Variants in LRRC1 observed in about 807,000 individuals in gnomAD.
LRRC1 encodes the protein leucine-rich repeat-containing protein 1.
LRRC1 carries 28 observed loss-of-function variants against 69.9 expected under a neutral mutation model. That is an observed-to-expected ratio of 0.40 (90% CI 0.30 to 0.55). The LOEUF is 0.55. LRRC1 is among the 20% of genes least tolerant of loss of function. The pLI is 0.47. For missense variants in LRRC1, 498 were observed against 609.0 expected (o/e 0.82, Z 1.92); for synonymous variants, 236 against 240.2 (o/e 0.98, Z 0.16).
chr6:53,878,141 TA>T (rs1302902359), intron 2 of LRRC1, among the ~76,000 whole-genome samples: 3 of 152,118 alleles, frequency 2.0e-5, no homozygotes, highest in Non-Finnish European at 2.9e-5. Flanking sequence ...TGAAACTTAC[TA>T]TCATGAGAAC....
intron 1 of LRRC1, among the ~76,000 whole-genome samples, chr6:53,809,995 G>A (rs1451482097): frequency 2.6e-5 from 4 of 152,238 alleles, no homozygotes; most frequent in Non-Finnish European, 4.4e-5. Flanking sequence ...CACCAGCAAG[G>A]CTGACAGTGA....
At chr6:53,849,052 C>T (rs1453823157) in intron 2 of LRRC1, among the ~76,000 whole-genome samples, 7 of 143,230 alleles carry the variant, frequency 4.9e-5, no homozygotes, top group Non-Finnish European at 7.5e-5. Context: ...CCACTGCGCC[C>T]GGCCTATGCT....
chr6:53,882,830 T>C, intron 3 of LRRC1, 57 bp from the exon 4 acceptor site: 1 of 1,018,944 alleles, frequency 9.8e-7, no homozygotes, highest in Non-Finnish European at 1.5e-6. Flanking sequence ...ATGCTTGGTA[T>C]ACACTATACA....
At chr6:53,879,501 A>G (rs1188265421) in intron 3 of LRRC1, among the ~76,000 whole-genome samples, 1 of 151,922 alleles carries the variant, frequency 6.6e-6, no homozygotes, top group African/African-American at 2.4e-5. Context: ...GGCCAGGATG[A>G]TCTCGATCTC....
chr6:53,891,907 G>T (rs918404595), intron 4 of LRRC1, among the ~76,000 whole-genome samples: 1 of 151,480 alleles, frequency 6.6e-6, no homozygotes, highest in African/African-American at 2.4e-5. Flanking sequence ...CAGGAGAATC[G>T]CTTGAACCCA....
chr6:53,820,010 G>A (rs1434827120), intron 1 of LRRC1, among the ~76,000 whole-genome samples: 1 of 152,104 alleles, frequency 6.6e-6, no homozygotes, highest in Non-Finnish European at 1.5e-5. Context: ...TGCTGCCTTT[G>A]GGCCAGGTCT....
chr6:53,883,107 T>A, intron 4 of LRRC1, 131 bp downstream of exon 4: 1 of 605,836 alleles, frequency 1.7e-6, no homozygotes. Flanking sequence ...TAATGTGACC[T>A]TCAAGAAAGA....
At chr6:53,877,909 C>A (rs1384930994) in intron 2 of LRRC1, among the ~76,000 whole-genome samples, 1 of 152,146 alleles carries the variant, frequency 6.6e-6, no homozygotes, top group African/African-American at 2.4e-5. Context: ...TCAGCAGCAA[C>A]CCACTCTACT....
chr6:53,844,317 G>A (rs933506965), intron 2 of LRRC1, among the ~76,000 whole-genome samples: 2 of 152,180 alleles, frequency 1.3e-5, no homozygotes, highest in Non-Finnish European at 2.9e-5. Flanking sequence ...TTTTGAAATG[G>A]GGATTAGAAA....
chr6:53,821,879 G>T (rs1765124689), intron 1 of LRRC1, among the ~76,000 whole-genome samples: 1 of 143,424 alleles, frequency 7.0e-6, no homozygotes, highest in African/African-American at 2.6e-5. Context: ...AGTAATGCTA[G>T]TTTTTTTTTT....
In LRRC1 at chr6:53,898,467, T is replaced by C. The variant is rs1336339037; in HGVS notation, c.642+1108T>C. On this transcript the variant is annotated intron_variant, in intron 7 of 13. Transcript: ENST00000370888. ...AGGGGAAAGGAAAGAGGTGTGTATG[T>C]TCAGATGTGTGTAAATGACTGTGCA... Among the ~76,000 whole-genome samples the C allele has an allele frequency of 2.6e-5, 4 of 152,210 alleles. No homozygotes were observed. The East Asian group carries it at 7.7e-4, about 29-fold the overall frequency.
chr6:53,862,865 G>A (rs529458836), intron 2 of LRRC1, among the ~76,000 whole-genome samples: 80 of 152,286 alleles, frequency 5.3e-4, no homozygotes, highest in Non-Finnish European at 1.0e-3. Context: ...AACAGCTGTG[G>A]TAGCAAATGC....
chr6:53,805,974 C>T (rs547753444), intron 1 of LRRC1, among the ~76,000 whole-genome samples: 2 of 152,328 alleles, frequency 1.3e-5, no homozygotes, highest in East Asian at 1.9e-4. Flanking sequence ...CCCCAGTTAG[C>T]TGCCCTTAGT....
intron 1 of LRRC1, 88 bp from the exon 2 acceptor site, chr6:53,842,022 A>T: frequency 1.3e-6 from 1 of 782,370 alleles, no homozygotes; most frequent in Non-Finnish European, 2.1e-6. Flanking sequence ...ATTAGTTTTT[A>T]AAAGACATTG....
intron 1 of LRRC1, among the ~76,000 whole-genome samples, chr6:53,820,530 A>C (rs1039876798): frequency 2.6e-5 from 4 of 151,180 alleles, no homozygotes; most frequent in South Asian, 2.1e-4. Context: ...TCATCAGGTC[A>C]TGAGCCCACT....
rs1461223944 is a variant in LRRC1, at chr6:53,795,226, G to A, written c.-31G>A. On this transcript the variant is annotated 5_prime_UTR_variant, in exon 1 of 14. Transcript: ENST00000370888. ...CTCGGAGCCCGGGTCTCCGCCGCTC[G>A]GGACCCGGCTAGGCGGCGGCGGGGG... is the stretch of plus-strand genomic sequence containing the variant. The A allele has an allele frequency of 6.4e-7, 1 of 1,572,960 alleles. No homozygotes were observed. The highest frequency in any genetic ancestry group is 2.3e-5 in the East Asian group (1 of 43,766).
rs751725233 is a variant in LRRC1 at position 53,902,601 on chromosome 6, G to A, written c.788-28G>A. The A allele has an allele frequency of 9.7e-5, 127 of 1,313,800 alleles. No individual in the cohort carries two copies. The Middle Eastern group carries it at 2.8e-3, about 29-fold the overall frequency. The allele number at this position is 1,313,800 out of a possible 1,614,324, so 81.4% of individuals were successfully genotyped here. A position where few individuals can be genotyped will look rare whatever the true frequency, so the allele number is the denominator to read the frequency against. On this transcript the variant is annotated intron_variant, in intron 8 of 13. Transcript: ENST00000370888. ...GAAAATAATTGTAACTAATGAATTTGATAATAATAATCATAATGCTTTTAC... is the reference window on the plus strand; with the variant it reads ...GAAAATAATTGTAACTAATGAATTTAATAATAATAATCATAATGCTTTTAC...
chr6:53,850,717 G>C (rs894211283), intron 2 of LRRC1, among the ~76,000 whole-genome samples: 2 of 152,202 alleles, frequency 1.3e-5, no homozygotes, highest in Admixed American at 6.5e-5. Context: ...AACACGGTGA[G>C]GAATTTTATT....
intron 1 of LRRC1, among the ~76,000 whole-genome samples, chr6:53,796,721 T>C (rs553235120): frequency 7.9e-5 from 12 of 152,182 alleles, no homozygotes; most frequent in East Asian, 1.9e-4. Context: ...GAGATTATCC[T>C]CACTAGGACC....
Sources: allele counts gnomAD v4.1 joint callset (sites outside exome capture counted in the v4.1 genomes callset), GRCh38; gene constraint gnomAD v4.1.1; transcripts MANE v1.5; gene names NCBI Gene and HGNC (gene_info 2026-07-23, HGNC 2026-07-21).